Variants in FGFR1 observed in about 807,000 individuals in gnomAD.
FGFR1 encodes the protein FGFR1/PLAG1 fusion.
Under a neutral mutation model 93.7 loss-of-function variants are expected in FGFR1, and 18 were observed. The observed-to-expected ratio is 0.19, with a 90% CI of 0.13 to 0.28. The LOEUF (loss-of-function observed/expected upper bound fraction) is 0.28. FGFR1 is among the 10% of genes least tolerant of loss of function. The pLI, the probability that FGFR1 is intolerant of heterozygous loss-of-function variation, is 1.00. For missense variants in FGFR1, 731 were observed against 1,080.4 expected (o/e 0.68, Z 4.53); for synonymous variants, 448 against 429.3 (o/e 1.04, Z -0.54).
chr8:38,421,967 G>GCTTGTTGTCC, intron 7 of FGFR1, 26 bp from the exon 8 acceptor site: 2 of 1,613,702 alleles, frequency 1.2e-6, no homozygotes, highest in Non-Finnish European at 1.7e-6. Context: ...GAAGCAAAAT[G>GCTTGTTGTCC]GACAAGCACA....
intron 9 of FGFR1, 42 bp from the exon 10 acceptor site, chr8:38,418,415 A>C (rs2150682455): frequency 6.3e-7 from 1 of 1,597,732 alleles, no homozygotes; most frequent in South Asian, 1.1e-5. Context: ...AGGAGGGGGG[A>C]CGGGGTGACT....
chr8:38,440,982 GCGTCCCACCTCGTCA>G (rs1827237332), intron 2 of FGFR1, among the ~76,000 whole-genome samples: 1 of 152,098 alleles, frequency 6.6e-6, no homozygotes, highest in African/African-American at 2.4e-5. Context: ...GGCCTTTTGT[GCGTCCCACCTCGTCA>G]CTGTAATTTA....
rs760206071 is a variant in FGFR1 at position 38,457,408 on chromosome 8, C to T, written c.39G>A (p.Leu13=). ...SWKCLLFWAV[L]VTATLCTARP... is the part of the protein sequence containing the mutation. ...TAGCGGTGCAGAGTGTGGCTGTGAC[C>T]AGCACAGCCCAGAAGAGGAGGCACT... Residue 13 remains leucine (L), a synonymous_variant, in exon 2 of 18, where the codon CTG becomes CTA. Coordinates refer to ENST00000447712, the MANE Select transcript of FGFR1 (RefSeq NM_023110.3). The T allele has an allele frequency of 3.8e-5, 61 of 1,613,838 alleles. No individual in the cohort carries two copies. Among genetic ancestry groups the T allele is most frequent in the South Asian group, 5.5e-5 (5 of 91,090 alleles).
chr8:38,467,424 C>A (rs1294030982), intron 1 of FGFR1, among the ~76,000 whole-genome samples: 1 of 152,174 alleles, frequency 6.6e-6, no homozygotes, highest in African/African-American at 2.4e-5. Flanking sequence ...AACCCGCACC[C>A]CAGGCTTTCC....
rs751449926 is a variant in FGFR1, at chr8:38,424,647, T to C, written c.798A>G (p.Thr266=). 6.2e-7 allele frequency: 1 copy of C among 1,612,762 alleles called. No individual in the cohort carries two copies. The highest frequency in any genetic ancestry group is 8.5e-7 in the Non-Finnish European group (1 of 1,178,802). Residue 266 remains threonine, a synonymous_variant, in exon 7 of 18, where the codon ACA becomes ACG. Transcript: ENST00000447712. This position sits in a 1 kb window ranked among gnomAD's most constrained non-coding sequence, Gnocchi z 4.3. ...ACTCCACGTTGCTACCCAGGGCCAC[T>C]GTTTTGTTGGCGGGCAACCCTGCTT... ...ILQAGLPANK[T]VALGSNVEFM...
chr8:38,446,135 G>A (rs13267177), intron 2 of FGFR1, among the ~76,000 whole-genome samples: 1 of 150,118 alleles, frequency 6.7e-6, no homozygotes. Context: ...GAAGCTCTTA[G>A]ATCACTTCCC....
chr8:38,411,856 T>G lies in FGFR1; in HGVS notation c.*1772A>C. 1 of 228,638 alleles carries G rather than the reference T, an allele frequency of 4.4e-6. No individual in the cohort carries two copies. 14.2% of individuals were successfully genotyped at this position (228,638 alleles called of 1,614,324 possible). A position where few individuals can be genotyped will look rare whatever the true frequency, so the allele number is the denominator to read the frequency against. ...GGAAGAACTGTAAGAAGCCAAGATC[T>G]GCGACAGTCCCAACAAATACAGTCT... On this transcript the variant is annotated 3_prime_UTR_variant, in exon 18 of 18. Transcript: ENST00000447712.
intron 2 of FGFR1, chr8:38,440,317 A>G: frequency 6.2e-7 from 1 of 1,605,244 alleles, no homozygotes; most frequent in Non-Finnish European, 8.5e-7. Context: ...TTCGGCTGGC[A>G]GGACCCGGCC....
chr8:38,443,548 C>G (rs1008579985), intron 2 of FGFR1, among the ~76,000 whole-genome samples: 9 of 151,384 alleles, frequency 5.9e-5, no homozygotes. Flanking sequence ...TAGCGTGCAC[C>G]TGTGGTCCCA....
In FGFR1 at chr8:38,416,047, G is replaced by A. The variant is rs765896428; in HGVS notation, c.1677C>T (p.Val559=). ...TGCCCTTGGAGGCATACTCCACGAT[G>A]ACATACAAGGGACCTGCAGGCACAG... The part of the protein sequence containing the change: ...GACTQDGPLY[V]IVEYASKGNL... Residue 559 remains valine (V), a synonymous_variant, in exon 13 of 18, where the codon GTC becomes GTT. Coordinates refer to ENST00000447712, the MANE Select transcript of FGFR1 (RefSeq NM_023110.3). 1.2e-6 allele frequency: 2 copies of A among 1,612,382 alleles called. No individual in the cohort carries two copies. The highest frequency in any genetic ancestry group is 8.5e-7 in the Non-Finnish European group (1 of 1,179,742).
At chr8:38,467,749 G>A (rs1414238794) in intron 1 of FGFR1, 4 of 233,278 alleles carry the variant, frequency 1.7e-5, no homozygotes, top group African/African-American at 6.6e-5. Flanking sequence ...GCGGCGGGAC[G>A]AGCGCAGGGA....
intron 6 of FGFR1, chr8:38,425,891 T>C: frequency 1.7e-6 from 1 of 593,824 alleles, no homozygotes; most frequent in Non-Finnish European, 3.0e-6. Flanking sequence ...GCACCTTCAA[T>C]TTCACAGTGA....
At position 38,424,849 on chromosome 8, in the gene FGFR1, T is replaced by G; in HGVS notation, c.746-150A>C. ...GAGCCCAAGCCTCTCAAAACAGAGCTGGGGAAAGGGACACCCTCTCTTCAG... is the reference window on the plus strand; with the variant it reads ...GAGCCCAAGCCTCTCAAAACAGAGCGGGGGAAAGGGACACCCTCTCTTCAG... On this transcript the variant is annotated intron_variant, in intron 6 of 17. Coordinates refer to ENST00000447712, the MANE Select transcript of FGFR1 (RefSeq NM_023110.3). This position sits in a 1 kb window ranked among gnomAD's most constrained non-coding sequence, Gnocchi z 4.3. 1.3e-6 allele frequency: 1 copy of G among 756,286 alleles called. No homozygotes were observed. Among genetic ancestry groups the G allele is most frequent in the South Asian group, 1.9e-5 (1 of 54,052 alleles). The allele number at this position is 756,286 out of a possible 1,614,324, so 46.8% of individuals were successfully genotyped here.
intron 2 of FGFR1, among the ~76,000 whole-genome samples, chr8:38,432,357 C>T (rs111611768): frequency 1.3e-5 from 2 of 151,998 alleles, no homozygotes; most frequent in Admixed American, 6.6e-5. Context: ...CCCTTCCAAA[C>T]GTGGCTCAGG....
chr8:38,466,184 T>G (rs748800093), intron 1 of FGFR1: 8 of 232,284 alleles, frequency 3.4e-5, no homozygotes, highest in Non-Finnish European at 6.8e-5. Flanking sequence ...AAATCAGTCC[T>G]TAAAAACACA....
At chr8:38,423,230 G>A (rs751582868) in intron 7 of FGFR1, 119 of 765,870 alleles carry the variant, frequency 1.6e-4, no homozygotes, top group Non-Finnish European at 2.6e-4. Flanking sequence ...ATGTGGCCAC[G>A]CACGTTGCTC....
chr8:38,418,651 A>C, intron 9 of FGFR1: 1 of 513,706 alleles, frequency 1.9e-6, no homozygotes, highest in Non-Finnish European at 3.5e-6. Context: ...ATAACTGATC[A>C]TTGCAGTAAC....
At chr8:38,433,682 C>T (rs1400353136) in intron 2 of FGFR1, among the ~76,000 whole-genome samples, 1 of 152,244 alleles carries the variant, frequency 6.6e-6, no homozygotes. Context: ...AATGTCTCAT[C>T]TCTAATTTTC....
intron 2 of FGFR1, among the ~76,000 whole-genome samples, chr8:38,437,000 A>C (rs1365662118): frequency 6.6e-6 from 1 of 152,198 alleles, no homozygotes; most frequent in Non-Finnish European, 1.5e-5. Flanking sequence ...CTCGTGCCTC[A>C]GTCCCGAGTA....
Sources: gnomAD v4.1 joint callset for allele counts (sites outside exome capture counted in the v4.1 genomes callset) on GRCh38, gnomAD v4.1.1 for gene constraint, Gnocchi (gnomAD v3.1) non-coding constraint, MANE v1.5 for transcripts, NCBI Gene and HGNC (gene_info 2026-07-23, HGNC 2026-07-21) for gene names.